ZFAT: variants seen among roughly 807,000 people sequenced by gnomAD.
ZFAT encodes the protein zinc finger and AT-hook domain containing.
A neutral mutation model predicts 117.7 loss-of-function variants in ZFAT; 64 were observed. The observed-to-expected ratio is 0.54, with a 90% CI of 0.44 to 0.67. The LOEUF (loss-of-function observed/expected upper bound fraction) is 0.67, where lower values mean the gene tolerates loss of function less well. Ranked by LOEUF, ZFAT falls within the 30% of genes least tolerant of loss-of-function variation. The pLI, the probability that ZFAT is intolerant of heterozygous loss-of-function variation, is 0.00. For missense variants in ZFAT, 1,433 were observed against 1,584.5 expected (o/e 0.90, Z 1.62); for synonymous variants, 679 against 615.0 (o/e 1.10, Z -1.54).
the ZFAT span, among the ~76,000 whole-genome samples, chr8:134,776,116 G>T: frequency 6.6e-6 from 1 of 152,172 alleles, no homozygotes; most frequent in East Asian, 1.9e-4. Flanking sequence ...AGAAACAGAA[G>T]ATCCTCTGTC....
intron 13 of ZFAT, among the ~76,000 whole-genome samples, chr8:134,516,805 A>G (rs1384056374): frequency 6.6e-6 from 1 of 152,078 alleles, no homozygotes; most frequent in South Asian, 2.1e-4. Context: ...GCAGTGAGCT[A>G]TGAAGGGAGG....
chr8:134,778,805 G>A, the ZFAT span, among the ~76,000 whole-genome samples: 7 of 152,166 alleles, frequency 4.6e-5, no homozygotes, highest in Admixed American at 2.6e-4. Flanking sequence ...CTGGATATAC[G>A]AAGGCACAGG....
chr8:134,757,009 C>CTTTTTTTTTTTTTTTTTTT, the ZFAT span, among the ~76,000 whole-genome samples: 1 of 81,212 alleles, frequency 1.2e-5, no homozygotes. Context: ...ACCTTCTTTC[C>CTTTTTTTTTTTTTTTTTTT]TTTTTTTTTT....
the ZFAT span, among the ~76,000 whole-genome samples, chr8:134,735,007 G>T: frequency 6.6e-6 from 1 of 152,164 alleles, no homozygotes; most frequent in African/African-American, 2.4e-5. Context: ...TCTGTGCTCA[G>T]TGTGGGTGCA....
intron 1 of ZFAT, 137 bp downstream of exon 1, chr8:134,712,708 C>T: frequency 2.7e-6 from 2 of 728,354 alleles, no homozygotes; most frequent in Non-Finnish European, 2.0e-6. Flanking sequence ...TCCCCAGACC[C>T]GGATCCCTCC....
chr8:134,582,432 A>G (rs1049912426), intron 10 of ZFAT, among the ~76,000 whole-genome samples: 1 of 152,224 alleles, frequency 6.6e-6, no homozygotes, highest in Admixed American at 6.5e-5. Flanking sequence ...ATGTGCTATC[A>G]TCATCTTAAG....
At chr8:134,779,609 A>G in the ZFAT span, among the ~76,000 whole-genome samples, 1 of 152,328 alleles carries the variant, frequency 6.6e-6, no homozygotes, top group Admixed American at 6.5e-5. Context: ...TCATTTGCAA[A>G]GTCTGGCTAC....
At chr8:134,807,107 G>A in the ZFAT span, among the ~76,000 whole-genome samples, 608 of 152,274 alleles carry the variant, frequency 4.0e-3, 5 homozygotes, top group African/African-American at 0.014. Context: ...GGATATTACT[G>A]AGCTACTGAC....
chr8:134,801,160 TC>T, the ZFAT span, among the ~76,000 whole-genome samples: 1 of 152,050 alleles, frequency 6.6e-6, no homozygotes, highest in South Asian at 2.1e-4. Context: ...TCATCTCTCC[TC>T]CCCCTCAACC....
At chr8:134,652,161 T>C (rs1831283474) in intron 2 of ZFAT, among the ~76,000 whole-genome samples, 1 of 151,932 alleles carries the variant, frequency 6.6e-6, no homozygotes, top group Non-Finnish European at 1.5e-5. Flanking sequence ...CTAGTAAAAA[T>C]ATAAAAATTA....
At chr8:134,729,055 T>C in the ZFAT span, among the ~76,000 whole-genome samples, 13 of 152,270 alleles carry the variant, frequency 8.5e-5, no homozygotes, top group African/African-American at 2.4e-4. Flanking sequence ...AGGAGAATTA[T>C]ACTATCAGGA....
chr8:134,712,028 G>T (rs965564262), intron 1 of ZFAT, among the ~76,000 whole-genome samples: 3 of 152,232 alleles, frequency 2.0e-5, no homozygotes, highest in East Asian at 3.8e-4. Flanking sequence ...GGGCAGGCGT[G>T]ATCAGTTAGC....
intron 12 of ZFAT, among the ~76,000 whole-genome samples, chr8:134,521,579 G>A (rs561833670): frequency 4.0e-5 from 6 of 151,894 alleles, no homozygotes; most frequent in Admixed American, 2.0e-4. Flanking sequence ...TTTTGCACAC[G>A]TTCCAGGAAG....
intron 9 of ZFAT, among the ~76,000 whole-genome samples, chr8:134,586,999 G>C (rs1191938140): frequency 6.6e-6 from 1 of 152,194 alleles, no homozygotes. Flanking sequence ...CTGAGCACTG[G>C]CATCTGTTTA....
chr8:134,484,714 A>G (rs1216431913), intron 15 of ZFAT, among the ~76,000 whole-genome samples: 1 of 152,268 alleles, frequency 6.6e-6, no homozygotes, highest in African/African-American at 2.4e-5. Context: ...GAACAGAGCC[A>G]GAATGTCTAG....
At chr8:134,814,088 G>C in the ZFAT span, among the ~76,000 whole-genome samples, 1 of 152,154 alleles carries the variant, frequency 6.6e-6, no homozygotes, top group Non-Finnish European at 1.5e-5. Context: ...GCTCTTGAAA[G>C]AGAAAGGGCT....
At chr8:134,618,262 C>T (rs1238329108) in intron 3 of ZFAT, among the ~76,000 whole-genome samples, 1 of 152,106 alleles carries the variant, frequency 6.6e-6, no homozygotes, top group Non-Finnish European at 1.5e-5. Flanking sequence ...TTTGCGACAC[C>T]CATACTCCTG....
At chr8:134,827,791 G>C in the ZFAT span, among the ~76,000 whole-genome samples, 2 of 150,638 alleles carry the variant, frequency 1.3e-5, no homozygotes, top group Admixed American at 1.3e-4. Flanking sequence ...AAAAATTCTA[G>C]TTAATATTAT....
At chr8:134,585,207 C>T (rs1473379215) in intron 9 of ZFAT, among the ~76,000 whole-genome samples, 2 of 152,132 alleles carry the variant, frequency 1.3e-5, no homozygotes, top group Non-Finnish European at 2.9e-5. Context: ...AGAGCAGGGC[C>T]ACAGCTGTGG....
Sources: allele counts gnomAD v4.1 joint callset (sites outside exome capture counted in the v4.1 genomes callset), GRCh38; gene constraint gnomAD v4.1.1; transcripts MANE v1.5; gene names NCBI Gene and HGNC (gene_info 2026-07-23, HGNC 2026-07-21).